ROCK1: variants seen among roughly 807,000 people sequenced by gnomAD.
ROCK1 encodes Rho associated coiled-coil containing protein kinase 1, also known as rho-associated protein kinase 1.
ROCK1 carries 36 observed loss-of-function variants against 196.8 expected under a neutral mutation model. That is an observed-to-expected ratio of 0.18 (90% CI 0.14 to 0.24). ROCK1 has a LOEUF of 0.24. Among genes scored for constraint, ROCK1 ranks in the 10% least tolerant of loss-of-function variants. The pLI is 1.00. For missense variants in ROCK1, 920 were observed against 1,562.0 expected (o/e 0.59, Z 6.93); for synonymous variants, 443 against 515.9 (o/e 0.86, Z 1.91).
At chr18:21,086,792 G>C (rs1257782867) in intron 1 of ROCK1, among the ~76,000 whole-genome samples, 4 of 149,748 alleles carry the variant, frequency 2.7e-5, no homozygotes, top group Non-Finnish European at 4.4e-5. Context: ...GACATTCTCA[G>C]ATGATGAAAA....
intron 1 of ROCK1, among the ~76,000 whole-genome samples, chr18:21,073,989 C>CA (rs1268603574): frequency 6.6e-6 from 1 of 151,996 alleles, no homozygotes; most frequent in African/African-American, 2.4e-5. Flanking sequence ...CCTATCTCTA[C>CA]AAAAATAAAA....
chr18:21,092,207 A>G (rs572148640), intron 1 of ROCK1, among the ~76,000 whole-genome samples: 1 of 152,200 alleles, frequency 6.6e-6, no homozygotes, highest in Non-Finnish European at 1.5e-5. Context: ...GGAGAGTTAC[A>G]ATGATGATTA....
At chr18:21,073,258 T>C (rs1256406833) in intron 1 of ROCK1, among the ~76,000 whole-genome samples, 1 of 152,122 alleles carries the variant, frequency 6.6e-6, no homozygotes, top group African/African-American at 2.4e-5. Context: ...TATTTTCACA[T>C]ATACACACAA....
chr18:20,982,969 TCATTA>T, intron 20 of ROCK1, 137 bp from the exon 21 acceptor site: 1 of 527,284 alleles, frequency 1.9e-6, no homozygotes, highest in Admixed American at 3.7e-5. Context: ...ACTTCATTAT[TCATTA>T]TTTTACTAAT....
intron 16 of ROCK1, among the ~76,000 whole-genome samples, chr18:20,997,088 T>A (rs2035677883): frequency 6.6e-6 from 1 of 152,072 alleles, no homozygotes; most frequent in Admixed American, 6.5e-5. Context: ...GGCAGGAGTA[T>A]GTCCCTACTT....
Position 21,111,246 on chromosome 18 carries a change from G to C in ROCK1, c.-336C>G, listed in dbSNP as rs1457839357. Reference sequence around the variant, plus strand: ...GGCCCCGGCCGCCGTCGCCATGGAGGGGTCCCCGTCCCGAGATGGGCAGGA... The same window carrying C: ...GGCCCCGGCCGCCGTCGCCATGGAGCGGTCCCCGTCCCGAGATGGGCAGGA... On this transcript the variant is annotated 5_prime_UTR_variant, in exon 1 of 33. Coordinates refer to ENST00000399799, the MANE Select transcript of ROCK1 (RefSeq NM_005406.3). This position sits in a 1 kb window ranked among gnomAD's most constrained non-coding sequence, Gnocchi z 4.2. 2.1e-6 allele frequency: 1 copy of C among 487,802 alleles called. No individual in the cohort carries two copies. The highest frequency in any genetic ancestry group is 3.6e-6 in the Non-Finnish European group (1 of 278,644). 30.2% of individuals were successfully genotyped at this position (487,802 alleles called of 1,614,324 possible). A position where few individuals can be genotyped will look rare whatever the true frequency, so the allele number is the denominator to read the frequency against.
intron 1 of ROCK1, among the ~76,000 whole-genome samples, chr18:21,105,510 C>G (rs1384038199): frequency 6.6e-6 from 1 of 152,148 alleles, no homozygotes; most frequent in East Asian, 1.9e-4. Flanking sequence ...CAAAACAGAT[C>G]AATTCAACTG....
intron 27 of ROCK1, among the ~76,000 whole-genome samples, chr18:20,961,464 A>G (rs2035325628): frequency 6.6e-6 from 1 of 152,152 alleles, no homozygotes; most frequent in African/African-American, 2.4e-5. Context: ...GGAATTCGGA[A>G]AAGGTTCTAC....
intron 1 of ROCK1, among the ~76,000 whole-genome samples, chr18:21,104,624 T>C (rs1273216575): frequency 3.9e-5 from 6 of 152,136 alleles, no homozygotes; most frequent in Non-Finnish European, 7.4e-5. Context: ...AACCAATTCA[T>C]ATCTCAGCCG....
intron 2 of ROCK1, among the ~76,000 whole-genome samples, chr18:21,052,797 C>T (rs1265543619): frequency 6.6e-6 from 1 of 152,034 alleles, no homozygotes; most frequent in African/African-American, 2.4e-5. Flanking sequence ...GTCTGCCACC[C>T]CCCAACCCCC....
chr18:21,063,850 A>G (rs1434300461), intron 2 of ROCK1, among the ~76,000 whole-genome samples: 1 of 152,220 alleles, frequency 6.6e-6, no homozygotes, highest in Non-Finnish European at 1.5e-5. Flanking sequence ...ATCTGCACTT[A>G]TCAGTCTTTT....
In ROCK1 at chr18:20,969,115, C is replaced by T. The variant is rs1240288858; in HGVS notation, c.2914G>A (p.Glu972Lys). 1 of 1,555,604 alleles carries T rather than the reference C, an allele frequency of 6.4e-7. No homozygotes were observed. The highest frequency in any genetic ancestry group is 2.2e-5 in the East Asian group (1 of 44,480). ...ATGATTTTTTAAAAATTCTACATAC[C>T]TTCCTCTGCCTTCTTCATTTTCTCT... Reference protein sequence around the residue: ...LTEKMKKAEEEYKLEKEEEIS... With the variant: ...LTEKMKKAEEKYKLEKEEEIS... Residue 972 changes from glutamate to lysine, a missense_variant and splice_region_variant, in exon 24 of 33, where the codon GAA (glutamate) becomes AAA (lysine). By Grantham distance (56) the Glu-to-Lys change is moderately conservative. Coordinates refer to ENST00000399799, the MANE Select transcript of ROCK1 (RefSeq NM_005406.3).
intron 9 of ROCK1, among the ~76,000 whole-genome samples, chr18:21,035,857 A>G (rs1199080616): frequency 6.6e-6 from 1 of 152,184 alleles, no homozygotes; most frequent in East Asian, 1.9e-4. Flanking sequence ...TAAACGAAAC[A>G]CCCTGAGTAG....
rs1196670880 is a variant in ROCK1, at chr18:21,005,252, C to T, written c.1885+1099G>A. ...CACTTAGTTATACTCAATCTTCTGC[C>T]TCTTAGATTCACAAAGACTGTCAAT... On this transcript the variant is annotated intron_variant, in intron 16 of 32. Transcript: ENST00000399799. Among the ~76,000 whole-genome samples the T allele has an allele frequency of 3.3e-5, 5 of 152,166 alleles. No individual in the cohort carries two copies. The South Asian group carries it at 8.3e-4, about 25-fold the overall frequency.
Position 20,987,107 on chromosome 18 carries a change from A to G in ROCK1, c.2147T>C (p.Met716Thr), listed in dbSNP as rs2035584980. The G allele has an allele frequency of 1.2e-6, 2 of 1,610,010 alleles. No homozygotes were observed. The highest frequency in any genetic ancestry group is 1.7e-6 in the Non-Finnish European group (2 of 1,179,176). Reference protein sequence around the residue: ...EEAKSVAMCEMEKKLKEEREA... With the variant: ...EEAKSVAMCETEKKLKEEREA... ...TCTTTCTTCTTTCAGCTTTTTTTCC[A>G]TCTCTGGGAAAGCAAAAAGTTACAA... The change falls in exon 19 of 33, where the codon ATG becomes ACG. Residue 716 changes from methionine (M) to threonine (T), a missense_variant. Coordinates refer to ENST00000399799, the MANE Select transcript of ROCK1 (RefSeq NM_005406.3).
chr18:21,043,997 G>A (rs2036133662), intron 6 of ROCK1, 105 bp downstream of exon 6: 3 of 674,414 alleles, frequency 4.4e-6, no homozygotes, highest in Non-Finnish European at 5.1e-6. Flanking sequence ...GTCCAGCTAT[G>A]GTTAGTAAAT....
intron 14 of ROCK1, among the ~76,000 whole-genome samples, chr18:21,007,151 G>C (rs1216250973): frequency 6.6e-6 from 1 of 151,890 alleles, no homozygotes; most frequent in Admixed American, 6.6e-5. Context: ...AAATTTAAAA[G>C]GTACCAAATG....
Position 21,074,708 on chromosome 18 carries a change from A to T in ROCK1, c.94-4095T>A, listed in dbSNP as rs140486161. 2.4e-3 allele frequency among the ~76,000 whole-genome samples: 369 copies of T among 152,344 alleles called. 1 individual carries two copies. The highest frequency in any genetic ancestry group is 6.8e-3 in the Middle Eastern group (2 of 294). ...GTTATACTGTAATTATTTATTTCTA[A>T]ATCTGCCTCCTCTTCTGCAGGAAAG... is the stretch of plus-strand genomic sequence containing the variant. On this transcript the variant is annotated intron_variant, in intron 1 of 32. Transcript: ENST00000399799.
intron 4 of ROCK1, among the ~76,000 whole-genome samples, chr18:21,048,323 T>G (rs1184208623): frequency 1.3e-5 from 2 of 152,166 alleles, no homozygotes; most frequent in African/African-American, 4.8e-5. Flanking sequence ...TCACTTTCCC[T>G]TCATTTCTCT....
Sources: allele counts gnomAD v4.1 joint callset (sites outside exome capture counted in the v4.1 genomes callset), GRCh38; gene constraint gnomAD v4.1.1; non-coding constraint Gnocchi (gnomAD v3.1); transcripts MANE v1.5; gene names NCBI Gene and HGNC (gene_info 2026-07-23, HGNC 2026-07-21).